The following SLC35A1 variants were observed in gnomAD, a reference collection of about 807,000 sequenced individuals.
SLC35A1 encodes solute carrier family 35 member A1.
A neutral mutation model predicts 40.3 loss-of-function variants in SLC35A1; 21 were observed. That is an observed-to-expected ratio of 0.52 (90% CI 0.37 to 0.75). The LOEUF (loss-of-function observed/expected upper bound fraction) is 0.75. SLC35A1 is among the 30% of genes least tolerant of loss of function. The pLI is 0.00. For synonymous variants in SLC35A1, 146 were observed against 147.3 expected (o/e 0.99, Z 0.06); for missense variants, 297 against 382.1 (o/e 0.78, Z 1.86).
chr6:87,505,836 G>A (rs537718116), intron 4 of SLC35A1, among the ~76,000 whole-genome samples: 8 of 152,230 alleles, frequency 5.3e-5, no homozygotes, highest in East Asian at 3.9e-4. Flanking sequence ...CTGTTAGAAC[G>A]GCAATTAAAT....
intron 2 of SLC35A1, among the ~76,000 whole-genome samples, chr6:87,493,667 T>C (rs2127970539): frequency 6.6e-6 from 1 of 152,368 alleles, no homozygotes; most frequent in African/African-American, 2.4e-5. Flanking sequence ...TTTCAGAATT[T>C]CTAATATTTA....
intron 1 of SLC35A1, among the ~76,000 whole-genome samples, chr6:87,474,867 A>C (rs1769022907): frequency 6.6e-6 from 1 of 152,198 alleles, no homozygotes; most frequent in African/African-American, 2.4e-5. Flanking sequence ...ACTATGCAAA[A>C]AGGTATTTTT....
chr6:87,475,377 A>C (rs1316774042), intron 1 of SLC35A1, among the ~76,000 whole-genome samples: 2 of 152,214 alleles, frequency 1.3e-5, no homozygotes, highest in Non-Finnish European at 2.9e-5. Flanking sequence ...TCTTCTACTG[A>C]TTAAAGGTTA....
In SLC35A1 at chr6:87,506,217, G is replaced by A. The variant is rs556015870; in HGVS notation, c.508-165G>A. ...AAGCCAAGTGCCCTGGTTAATTTCT[G>A]GAATGGTCTTTTTGTTTAGTTGTCT... On this transcript the variant is annotated intron_variant, in intron 4 of 7. Coordinates refer to ENST00000369552, the MANE Select transcript of SLC35A1 (RefSeq NM_006416.5). 5.3e-5 allele frequency among the ~76,000 whole-genome samples: 8 copies of A among 152,306 alleles called. No homozygotes were observed. In the East Asian group the frequency reaches 1.5e-3, roughly 29 times the overall value.
At chr6:87,503,449 G>A (rs889492314) in intron 4 of SLC35A1, among the ~76,000 whole-genome samples, 2 of 152,186 alleles carry the variant, frequency 1.3e-5, no homozygotes, top group African/African-American at 4.8e-5. Context: ...CCTCACTACA[G>A]TTCTGTGTTG....
chr6:87,484,585 G>C (rs1334915309), intron 2 of SLC35A1, among the ~76,000 whole-genome samples: 1 of 152,130 alleles, frequency 6.6e-6, no homozygotes, highest in Non-Finnish European at 1.5e-5. Context: ...CGGGGTGAGT[G>C]GTTTGGCAGG....
chr6:87,479,228 A>G (rs1302262119), intron 2 of SLC35A1, among the ~76,000 whole-genome samples: 4 of 152,190 alleles, frequency 2.6e-5, no homozygotes, highest in Non-Finnish European at 1.5e-5. Context: ...TTTCTCTTCA[A>G]ACTTCTTTAA....
intron 2 of SLC35A1, chr6:87,499,302 G>A (rs564239824): frequency 6.9e-4 from 116 of 167,606 alleles, no homozygotes; most frequent in African/African-American, 2.7e-3. Flanking sequence ...GAATCTCATT[G>A]TAATTATCAA....
In SLC35A1 at chr6:87,508,481, A is replaced by G. The variant is rs926062445; in HGVS notation, c.636A>G (p.Gln212=). 5 of 1,612,714 alleles carry G rather than the reference A, an allele frequency of 3.1e-6. No individual in the cohort carries two copies. Among genetic ancestry groups the G allele is most frequent in the Admixed American group, 1.7e-5 (1 of 60,010 alleles). The change falls in exon 6 of 8, where the codon CAA becomes CAG. Residue 212 remains glutamine, a synonymous_variant. Coordinates refer to ENST00000369552, the MANE Select transcript of SLC35A1 (RefSeq NM_006416.5). ...SDTSLWVRNI[Q]MYLSGIIVTL... ...CTTCTCTTTGGGTGAGAAACATTCAAATGTATCTATCAGGGATTATTGTGA... is the reference window on the plus strand; with the variant it reads ...CTTCTCTTTGGGTGAGAAACATTCAGATGTATCTATCAGGGATTATTGTGA...
chr6:87,500,213 A>G (rs1037055038), intron 2 of SLC35A1, among the ~76,000 whole-genome samples: 1 of 152,224 alleles, frequency 6.6e-6, no homozygotes, highest in African/African-American at 2.4e-5. Flanking sequence ...TTTATAGGTA[A>G]TATCAACAGT....
In SLC35A1 at chr6:87,511,479, A is replaced by G. The variant is rs1216307850; in HGVS notation, c.967A>G (p.Ile323Val). The change falls in exon 8 of 8, where the codon ATC becomes GTC. Residue 323 changes from isoleucine (I) to valine (V), a missense_variant. By Grantham distance (29) the Ile-to-Val change is conservative. Transcript: ENST00000369552. ...YGLPRQDTTSIQQGETASKER... is the reference protein window; with the variant it reads ...YGLPRQDTTSVQQGETASKER... ...ATTACCCAGACAAGACACTACATCC[A>G]TCCAACAAGGAGAAACAGCTTCAAA... 1 of 1,613,934 alleles carries G rather than the reference A, an allele frequency of 6.2e-7. No individual in the cohort carries two copies. The highest frequency in any genetic ancestry group is 8.5e-7 in the Non-Finnish European group (1 of 1,179,958).
chr6:87,496,023 T>C (rs1769716055), intron 2 of SLC35A1: 1 of 152,220 alleles, frequency 6.6e-6, no homozygotes, highest in African/African-American at 2.4e-5. Context: ...ATAAACAAAA[T>C]TTAACTTTCT....
At chr6:87,476,467 G>A (rs561785898) in intron 1 of SLC35A1, among the ~76,000 whole-genome samples, 3 of 152,332 alleles carry the variant, frequency 2.0e-5, no homozygotes, top group South Asian at 4.1e-4. Flanking sequence ...GCTAATGCCT[G>A]TAATCCCAGC....
At chr6:87,503,726 T>C (rs370414572) in intron 4 of SLC35A1, among the ~76,000 whole-genome samples, 260 of 152,146 alleles carry the variant, frequency 1.7e-3, no homozygotes, top group African/African-American at 5.7e-3. Context: ...ATAATAATAA[T>C]AACAATAATA....
intron 1 of SLC35A1, 55 bp downstream of exon 1, chr6:87,473,074 G>C: frequency 2.2e-6 from 1 of 455,126 alleles, no homozygotes; most frequent in Non-Finnish European, 3.8e-6. Flanking sequence ...CGGCGGGCGA[G>C]CATCTGCGCT....
chr6:87,504,323 C>T (rs964439338), intron 4 of SLC35A1, among the ~76,000 whole-genome samples: 25 of 151,612 alleles, frequency 1.6e-4, no homozygotes, highest in African/African-American at 5.3e-4. Context: ...TTTTGCAAGC[C>T]TCCACTTATT....
chr6:87,475,498 T>G (rs1479494041), intron 1 of SLC35A1, among the ~76,000 whole-genome samples: 1 of 152,266 alleles, frequency 6.6e-6, no homozygotes, highest in African/African-American at 2.4e-5. Context: ...ACTGATTTTT[T>G]GGCTCCTCAG....
At chr6:87,507,605 T>A (rs1347137559) in intron 5 of SLC35A1, among the ~76,000 whole-genome samples, 1 of 152,166 alleles carries the variant, frequency 6.6e-6, no homozygotes, top group Non-Finnish European at 1.5e-5. Flanking sequence ...AAAAATAATC[T>A]TGTTTTTCGT....
chr6:87,509,865 A>G (rs951028897), intron 7 of SLC35A1, among the ~76,000 whole-genome samples: 9 of 152,210 alleles, frequency 5.9e-5, no homozygotes, highest in African/African-American at 2.2e-4. Context: ...GTGCTTTTAT[A>G]GTGTAATAAT....
Sources: gnomAD v4.1 joint callset for allele counts (sites outside exome capture counted in the v4.1 genomes callset) on GRCh38, gnomAD v4.1.1 for gene constraint, MANE v1.5 for transcripts, NCBI Gene and HGNC (gene_info 2026-07-23, HGNC 2026-07-21) for gene names.